Variants in MAGI2 observed in about 807,000 individuals in gnomAD.
The protein encoded by MAGI2 is membrane associated guanylate kinase, WW and PDZ domain containing 2.
Under a neutral mutation model 133.3 loss-of-function variants are expected in MAGI2, and 35 were observed. The ratio of observed to expected loss-of-function variants is 0.26; its 90% CI spans 0.20 to 0.35. MAGI2 has a LOEUF of 0.35. Among genes scored for constraint, MAGI2 ranks in the 10% least tolerant of loss-of-function variants. The pLI is 1.00. For missense variants in MAGI2, 1,636 were observed against 1,863.4 expected, an observed-to-expected ratio of 0.88 and a Z score of 2.25; for synonymous variants, 729 against 710.6, an observed-to-expected ratio of 1.03 and a Z score of -0.41.
intron 2 of MAGI2, among the ~76,000 whole-genome samples, chr7:78,944,614 T>C (rs1801258348): frequency 6.6e-6 from 1 of 152,132 alleles, no homozygotes; most frequent in Non-Finnish European, 1.5e-5. Flanking sequence ...ACCATGTGTA[T>C]CTTGTCAATT....
chr7:78,793,444 A>G (rs1787344675), intron 2 of MAGI2, among the ~76,000 whole-genome samples: 2 of 152,190 alleles, frequency 1.3e-5, no homozygotes, highest in African/African-American at 4.8e-5. Flanking sequence ...CTCCCACAAC[A>G]GAGTTATCCA....
intron 1 of MAGI2, among the ~76,000 whole-genome samples, chr7:79,334,764 A>C (rs1840316551): frequency 6.6e-6 from 1 of 152,194 alleles, no homozygotes. Flanking sequence ...TCCATCAAAG[A>C]TTTGTAATTG....
At chr7:79,376,245 T>C (rs1843373275) in intron 1 of MAGI2, among the ~76,000 whole-genome samples, 1 of 151,840 alleles carries the variant, frequency 6.6e-6, no homozygotes, top group Non-Finnish European at 1.5e-5. Context: ...TAAAGTGTAG[T>C]CTGTAAATTA....
At chr7:79,349,652 T>C (rs1841563376) in intron 1 of MAGI2, among the ~76,000 whole-genome samples, 1 of 152,020 alleles carries the variant, frequency 6.6e-6, no homozygotes, top group Non-Finnish European at 1.5e-5. Context: ...CCCAGAAGCA[T>C]GGAATAATCT....
At chr7:78,424,497 G>T (rs758852795) in intron 6 of MAGI2, among the ~76,000 whole-genome samples, 8 of 152,088 alleles carry the variant, frequency 5.3e-5, no homozygotes, top group Non-Finnish European at 1.2e-4. Context: ...TAGTGGAGCA[G>T]TGAAAAAAGG....
intron 2 of MAGI2, among the ~76,000 whole-genome samples, chr7:78,660,871 A>G (rs987672934): frequency 1.3e-5 from 2 of 152,152 alleles, no homozygotes; most frequent in Non-Finnish European, 2.9e-5. Context: ...ATTCTTTTCA[A>G]CCTGATGATT....
intron 1 of MAGI2, among the ~76,000 whole-genome samples, chr7:79,117,324 A>G (rs968676810): frequency 9.9e-5 from 15 of 152,112 alleles, no homozygotes; most frequent in African/African-American, 3.6e-4. Context: ...TCAATAGAAT[A>G]TTTACCTCTC....
At chr7:78,122,293 T>C (rs914513292) in intron 20 of MAGI2, among the ~76,000 whole-genome samples, 9 of 152,202 alleles carry the variant, frequency 5.9e-5, no homozygotes, top group Non-Finnish European at 1.0e-4. Context: ...ATAAAAACAA[T>C]ATATAAACCA....
chr7:78,995,410 A>G (rs546878276), intron 2 of MAGI2, among the ~76,000 whole-genome samples: 6 of 152,260 alleles, frequency 3.9e-5, no homozygotes, highest in South Asian at 4.1e-4. Context: ...CATTAGATAT[A>G]TTACAATATT....
At chr7:78,460,249 G>A (rs1423975302) in intron 6 of MAGI2, among the ~76,000 whole-genome samples, 1 of 152,202 alleles carries the variant, frequency 6.6e-6, no homozygotes, top group Non-Finnish European at 1.5e-5. Flanking sequence ...ACAACTGAGT[G>A]CGCGAATCAA....
At chr7:79,058,874 C>A (rs4307278) in intron 1 of MAGI2, among the ~76,000 whole-genome samples, 7 of 152,074 alleles carry the variant, frequency 4.6e-5, no homozygotes, top group Non-Finnish European at 8.8e-5. Context: ...CTTTTCCTCT[C>A]TAATCTTTAG....
intron 1 of MAGI2, among the ~76,000 whole-genome samples, chr7:79,171,743 A>AATATATATATATAT (rs34570751): frequency 6.8e-5 from 2 of 29,586 alleles, no homozygotes; most frequent in Admixed American, 4.7e-4. Flanking sequence ...AATAGCCAAA[A>AATATATATATATAT]ATATATATAT....
intron 6 of MAGI2, chr7:78,486,597 G>A (rs10271232): frequency 0.65 from 179,610 of 277,064 alleles, 60,007 homozygotes; most frequent in South Asian, 0.83. Context: ...GCAGGACCCC[G>A]AGATTGGGAG....
At position 79,422,624 on chromosome 7, in the gene MAGI2, T is replaced by C. The variant is rs192421371; in HGVS notation, c.301+30396A>G. ...TCATGCAATTTCAAACAGTAAGGTATATATCAATAAACTTGCATTTTTTGT... is the reference window on the plus strand; with the variant it reads ...TCATGCAATTTCAAACAGTAAGGTACATATCAATAAACTTGCATTTTTTGT... On this transcript the variant is annotated intron_variant, in intron 1 of 21. Transcript: ENST00000354212. Among the ~76,000 whole-genome samples the C allele has an allele frequency of 3.4e-3, 519 of 152,176 alleles. 7 individuals carry two copies. The highest frequency in any genetic ancestry group is 4.0e-3 in the Non-Finnish European group (271 of 67,928).
At chr7:78,023,723 C>A (rs189737055) in intron 21 of MAGI2, among the ~76,000 whole-genome samples, 10 of 152,332 alleles carry the variant, frequency 6.6e-5, no homozygotes, top group Admixed American at 2.6e-4. Context: ...TTGCCGATGA[C>A]CTTTCTGATG....
rs149652103 is a variant in MAGI2 at position 79,406,153 on chromosome 7, G to A, written c.301+46867C>T. On this transcript the variant is annotated intron_variant, in intron 1 of 21. Transcript: ENST00000354212. ...TTAAGGAAGTTTTCCGGGTTGATAG[G>A]TTTTTTTGGCAATTGAAATCCCTAT... 4.4e-4 allele frequency among the ~76,000 whole-genome samples: 67 copies of A among 151,996 alleles called. No individual in the cohort carries two copies. The East Asian group carries it at 0.012, about 28-fold the overall frequency.
At position 78,489,510 on chromosome 7, in the gene MAGI2, C is replaced by T. The variant is rs192884239; in HGVS notation, c.1045+251G>A. On this transcript the variant is annotated intron_variant, in intron 6 of 21. Transcript: ENST00000354212. Reference sequence around the variant, plus strand: ...CTTAGTAGGTGGTGGAAAGTCAGGCCAGGAGTCAAACAGAACCAACAGAGA... The same window carrying T: ...CTTAGTAGGTGGTGGAAAGTCAGGCTAGGAGTCAAACAGAACCAACAGAGA... 2.0e-5 allele frequency among the ~76,000 whole-genome samples: 3 copies of T among 152,092 alleles called. No homozygotes were observed. The East Asian group carries it at 5.8e-4, about 30-fold the overall frequency.
At chr7:78,908,775 A>G (rs1584357131) in intron 2 of MAGI2, among the ~76,000 whole-genome samples, 1 of 152,192 alleles carries the variant, frequency 6.6e-6, no homozygotes, top group Non-Finnish European at 1.5e-5. Flanking sequence ...TATTGAAAAC[A>G]TATTATGTAT....
rs181222074 is a variant in MAGI2, at chr7:78,343,117, T to C, written c.1408+661A>G. Among the ~76,000 whole-genome samples, 8 of 152,340 alleles carry C rather than the reference T, an allele frequency of 5.3e-5. No individual in the cohort carries two copies. The East Asian group carries it at 1.5e-3, about 29-fold the overall frequency. Reference sequence around the variant, plus strand: ...GGCAAGAAAATTTAAAATCAGACTGTGAAGCCAAACCTTGTTCATTACTTT... The same window carrying C: ...GGCAAGAAAATTTAAAATCAGACTGCGAAGCCAAACCTTGTTCATTACTTT... On this transcript the variant is annotated intron_variant, in intron 9 of 21. Coordinates refer to ENST00000354212, the MANE Select transcript of MAGI2 (RefSeq NM_012301.4).
Sources: gnomAD v4.1 joint callset for allele counts (sites outside exome capture counted in the v4.1 genomes callset) on GRCh38, gnomAD v4.1.1 for gene constraint, MANE v1.5 for transcripts, NCBI Gene and HGNC (gene_info 2026-07-23, HGNC 2026-07-21) for gene names.